Variants in SUPT3H observed in about 807,000 individuals in gnomAD.
SUPT3H encodes transcription initiation protein SPT3 homolog.
SUPT3H carries 44 observed loss-of-function variants against 44.3 expected under a neutral mutation model. The observed-to-expected ratio is 0.99, with a 90% confidence interval of 0.78 to 1.28. The LOEUF is 1.28. SUPT3H is among the 50% of genes most tolerant of loss of function. The probability of loss-of-function intolerance (pLI) is 0.00; values close to 1 mark genes in which losing one functional copy is unlikely to be tolerated. For missense variants in SUPT3H, 380 were observed against 387.1 expected, an observed-to-expected ratio of 0.98 and a Z score of 0.15; for synonymous variants, 124 against 125.6, an observed-to-expected ratio of 0.99 and a Z score of 0.09.
chr6:45,243,626 G>A lies in SUPT3H; in HGVS notation c.101+121575C>T, dbSNP rs62400291. Among the ~76,000 whole-genome samples the A allele has an allele frequency of 6.9e-3, 1,053 of 152,194 alleles. 8 individuals are homozygous for A. Among genetic ancestry groups the A allele is most frequent in the Non-Finnish European group, 8.7e-3 (589 of 67,994 alleles). On this transcript the variant is annotated intron_variant, in intron 2 of 10. Transcript: ENST00000371459. ...AGGGTAATATTTTGAGTTACTTTAT[G>A]CCAATAAATTCAACAACTGAGATGA...
At chr6:45,307,208 C>T (rs1783173281) in intron 2 of SUPT3H, among the ~76,000 whole-genome samples, 1 of 152,220 alleles carries the variant, frequency 6.6e-6, no homozygotes, top group African/African-American at 2.4e-5. Context: ...CATAGCCAAA[C>T]AAAAGGCAGC....
intron 2 of SUPT3H, among the ~76,000 whole-genome samples, chr6:45,298,551 G>A (rs1314026387): frequency 6.6e-6 from 1 of 150,958 alleles, no homozygotes; most frequent in South Asian, 2.1e-4. Context: ...GAGTCAGGAC[G>A]GTCTCGATCT....
intron 10 of SUPT3H, among the ~76,000 whole-genome samples, chr6:44,884,451 C>G (rs1012613801): frequency 4.6e-5 from 7 of 152,098 alleles, no homozygotes; most frequent in African/African-American, 1.7e-4. Context: ...TGTGGCGATT[C>G]CTCCAGGATC....
intron 10 of SUPT3H, among the ~76,000 whole-genome samples, chr6:44,915,379 C>T (rs768309104): frequency 1.1e-4 from 16 of 152,154 alleles, no homozygotes; most frequent in East Asian, 1.9e-4. Flanking sequence ...GAATAATTTA[C>T]GGTTCTGCTG....
chr6:45,252,580 C>T (rs1431441509), intron 2 of SUPT3H, among the ~76,000 whole-genome samples: 2 of 151,412 alleles, frequency 1.3e-5, no homozygotes, highest in Non-Finnish European at 2.9e-5. Context: ...GCACAGTAGA[C>T]ACCTAAACAT....
At position 44,953,337 on chromosome 6, in the gene SUPT3H, G is replaced by A. The variant is rs760011005; in HGVS notation, c.774C>T (p.Thr258=). Residue 258 remains threonine (T), a synonymous_variant, in exon 9 of 11, where the codon ACC becomes ACT. Transcript: ENST00000371459. ...CAGCAGAGTTGTGATACTGAATGAA[G>A]GTTGCAGAAATGGCATGGCTGAAGG... ...GDPFSHAISA[T]FIQYHNSAES... 4.3e-6 allele frequency: 7 copies of A among 1,614,038 alleles called. No homozygotes were observed. Among genetic ancestry groups the A allele is most frequent in the Admixed American group, 1.7e-5 (1 of 60,020 alleles).
chr6:45,035,813 TTAAC>T (rs931225775), intron 3 of SUPT3H, among the ~76,000 whole-genome samples: 2 of 151,524 alleles, frequency 1.3e-5, no homozygotes, highest in Non-Finnish European at 2.9e-5. Context: ...ATATTAGTAA[TTAAC>T]TAAGACAAAA....
intron 2 of SUPT3H, among the ~76,000 whole-genome samples, chr6:45,311,702 T>A (rs1783979063): frequency 6.6e-6 from 1 of 152,132 alleles, no homozygotes; most frequent in African/African-American, 2.4e-5. Flanking sequence ...GAATTTTGTA[T>A]CCAGCGAAAC....
intron 2 of SUPT3H, among the ~76,000 whole-genome samples, chr6:45,259,260 T>TG (rs959054773): frequency 2.6e-4 from 39 of 151,930 alleles, no homozygotes; most frequent in African/African-American, 3.4e-4. Context: ...TCTTTTCAAT[T>TG]GGGGGGGAGG....
chr6:45,212,745 T>C (rs1170272858), intron 2 of SUPT3H, among the ~76,000 whole-genome samples: 1 of 152,218 alleles, frequency 6.6e-6, no homozygotes, highest in African/African-American at 2.4e-5. Flanking sequence ...ACAAATAACC[T>C]TCCCTCACAG....
chr6:45,340,117 CTCAA>C (rs1282986086), intron 2 of SUPT3H, among the ~76,000 whole-genome samples: 4 of 152,064 alleles, frequency 2.6e-5, no homozygotes, highest in Non-Finnish European at 2.9e-5. Context: ...CTTCCTAGTC[CTCAA>C]TCAATTTCAT....
intron 3 of SUPT3H, among the ~76,000 whole-genome samples, chr6:45,080,438 G>C (rs1275350852): frequency 3.9e-5 from 6 of 151,930 alleles, no homozygotes; most frequent in African/African-American, 1.4e-4. Context: ...CCTCTGCTAG[G>C]TATATCCCAG....
chr6:45,102,586 T>TAAA (rs992560876), intron 3 of SUPT3H, among the ~76,000 whole-genome samples: 2 of 152,090 alleles, frequency 1.3e-5, no homozygotes, highest in African/African-American at 4.8e-5. Flanking sequence ...AGAGTCAATA[T>TAAA]AAATGCCTTC....
chr6:45,319,658 T>C (rs1382656329), intron 2 of SUPT3H, among the ~76,000 whole-genome samples: 1 of 152,158 alleles, frequency 6.6e-6, no homozygotes, highest in East Asian at 1.9e-4. Context: ...TGTAGGTAAA[T>C]CCTCAGAAAA....
At chr6:44,891,874 C>A (rs2153442192) in intron 10 of SUPT3H, among the ~76,000 whole-genome samples, 1 of 151,768 alleles carries the variant, frequency 6.6e-6, no homozygotes, top group African/African-American at 2.4e-5. Flanking sequence ...TATTAACTGT[C>A]GATATAGGTG....
chr6:45,114,374 G>GA (rs35701111), intron 2 of SUPT3H, among the ~76,000 whole-genome samples: 96,206 of 151,850 alleles, frequency 0.63, 31,373 homozygotes, highest in African/African-American at 0.8. Flanking sequence ...AAAGATGAGA[G>GA]AAAAAAACTT....
At chr6:45,273,527 A>G (rs1020363638) in intron 2 of SUPT3H, among the ~76,000 whole-genome samples, 2 of 152,210 alleles carry the variant, frequency 1.3e-5, no homozygotes, top group African/African-American at 2.4e-5. Flanking sequence ...CATACATGTT[A>G]TAACAAGTTA....
At chr6:45,317,654 T>C (rs1049267509) in intron 2 of SUPT3H, among the ~76,000 whole-genome samples, 26 of 152,096 alleles carry the variant, frequency 1.7e-4, no homozygotes, top group Admixed American at 1.6e-3. Context: ...AAGAATAAAA[T>C]TAGATCCTTA....
intron 6 of SUPT3H, among the ~76,000 whole-genome samples, chr6:44,981,708 G>A (rs1424747934): frequency 6.6e-6 from 1 of 152,056 alleles, no homozygotes; most frequent in East Asian, 1.9e-4. Flanking sequence ...CTGTGACTGA[G>A]TTCTCTCTTC....
Sources: gnomAD v4.1 joint callset for allele counts (sites outside exome capture counted in the v4.1 genomes callset) on GRCh38, gnomAD v4.1.1 for gene constraint, MANE v1.5 for transcripts, NCBI Gene and HGNC (gene_info 2026-07-23, HGNC 2026-07-21) for gene names.